Variants in C2CD5 observed in about 807,000 individuals in gnomAD.
C2CD5 encodes the protein C2 calcium dependent domain containing 5.
Under a neutral mutation model 130.3 loss-of-function variants are expected in C2CD5, and 109 were observed. That is an observed-to-expected ratio of 0.84 (90% CI 0.72 to 0.98). C2CD5 has a LOEUF of 0.98. C2CD5 is among the 50% of genes least tolerant of loss of function. The pLI, the probability that C2CD5 is intolerant of heterozygous loss-of-function variation, is 0.00. For synonymous variants in C2CD5, 454 were observed against 429.2 expected, an observed-to-expected ratio of 1.06 and a Z score of -0.71; for missense variants, 996 against 1,261.8, an observed-to-expected ratio of 0.79 and a Z score of 3.19.
At chr12:22,531,263 C>G (rs11834683) in intron 3 of C2CD5, among the ~76,000 whole-genome samples, 3,699 of 151,946 alleles carry the variant, frequency 0.024, 148 homozygotes, top group African/African-American at 0.084. Flanking sequence ...TTAGAAGCAG[C>G]TAAAAGAAAA....
chr12:22,517,826 T>G (rs1366115007), intron 8 of C2CD5, among the ~76,000 whole-genome samples, 160 bp downstream of exon 8: 3 of 152,200 alleles, frequency 2.0e-5, no homozygotes, highest in African/African-American at 4.8e-5. Flanking sequence ...TATACAAAAT[T>G]TTCATATTTT....
rs770670225 is a variant in C2CD5, at chr12:22,535,254, T to A, written c.177+4A>T. The stretch of plus-strand genomic sequence containing the variant: ...CTCAAAAATGCTGACATTTAAAAAC[T>A]TACCTCAAATTTAAACCACTCCGAG... On this transcript the variant is annotated splice_donor_region_variant and intron_variant, in intron 3 of 26. Transcript: ENST00000446597. 1.9e-6 allele frequency: 3 copies of A among 1,548,354 alleles called. No individual in the cohort carries two copies. In the East Asian group the frequency reaches 6.7e-5, roughly 35 times the overall value.
chr12:22,518,819 TA>T (rs1243957434), intron 7 of C2CD5, among the ~76,000 whole-genome samples: 2 of 152,218 alleles, frequency 1.3e-5, no homozygotes, highest in Non-Finnish European at 2.9e-5. Flanking sequence ...GAAATAATTA[TA>T]AAAATATATA....
At chr12:22,468,959 A>C (rs1048656345) in intron 22 of C2CD5, among the ~76,000 whole-genome samples, 1 of 152,208 alleles carries the variant, frequency 6.6e-6, no homozygotes, top group Non-Finnish European at 1.5e-5. Flanking sequence ...AATAACTATC[A>C]TTTCTCAAAA....
chr12:22,542,910 A>C (rs2137380237), intron 2 of C2CD5, among the ~76,000 whole-genome samples: 1 of 152,368 alleles, frequency 6.6e-6, no homozygotes, highest in South Asian at 2.1e-4. Context: ...CCTATTAGTT[A>C]TTAAATAGGC....
intron 3 of C2CD5, among the ~76,000 whole-genome samples, chr12:22,533,858 CTGAATTTCTACATGCA>C (rs1488791359): frequency 1.3e-5 from 2 of 152,200 alleles, no homozygotes; most frequent in African/African-American, 4.8e-5. Flanking sequence ...GCCCAAACAA[CTGAATTTCTACATGCA>C]TGAATTTCTA....
At chr12:22,489,982 T>C (rs1946130986) in intron 12 of C2CD5, 141 bp downstream of exon 12, 1 of 567,836 alleles carries the variant, frequency 1.8e-6, no homozygotes, top group Non-Finnish European at 3.2e-6. Flanking sequence ...TAGTTAAAAA[T>C]TAGTGAAGTG....
intron 10 of C2CD5, among the ~76,000 whole-genome samples, chr12:22,500,116 G>A (rs372247571): frequency 5.3e-5 from 8 of 152,032 alleles, no homozygotes; most frequent in African/African-American, 1.7e-4. Context: ...CCTGGGAGGC[G>A]GAGGTTGCAG....
intron 10 of C2CD5, among the ~76,000 whole-genome samples, chr12:22,503,512 A>G (rs1948072122): frequency 1.3e-5 from 2 of 152,046 alleles, no homozygotes; most frequent in Admixed American, 6.6e-5. Flanking sequence ...AGAATGTGAC[A>G]TTTTATTTTA....
chr12:22,481,649 C>CTTT (rs34990025), intron 14 of C2CD5, among the ~76,000 whole-genome samples: 83 of 116,410 alleles, frequency 7.1e-4, no homozygotes, highest in African/African-American at 1.1e-3. Flanking sequence ...AGAAACACAC[C>CTTT]TTTTTTTTTT....
At chr12:22,472,642 G>A in intron 17 of C2CD5, 102 bp downstream of exon 17, 1 of 793,748 alleles carries the variant, frequency 1.3e-6, no homozygotes, top group Non-Finnish European at 2.3e-6. Flanking sequence ...GTGACACTGT[G>A]ATAAGTCCTT....
chr12:22,488,359 G>A (rs1162063583), intron 12 of C2CD5, among the ~76,000 whole-genome samples: 2 of 151,764 alleles, frequency 1.3e-5, no homozygotes, highest in Non-Finnish European at 2.9e-5. Flanking sequence ...ATTTGATATA[G>A]GAACTCTCCA....
intron 22 of C2CD5, among the ~76,000 whole-genome samples, chr12:22,467,590 A>G (rs1942295516): frequency 6.6e-6 from 1 of 152,206 alleles, no homozygotes; most frequent in Admixed American, 6.5e-5. Context: ...GAATCTTTTC[A>G]CATTTTACAA....
At chr12:22,517,313 T>C (rs928160437) in intron 8 of C2CD5, among the ~76,000 whole-genome samples, 2 of 151,758 alleles carry the variant, frequency 1.3e-5, no homozygotes, top group Non-Finnish European at 2.9e-5. Flanking sequence ...AATTTAATGA[T>C]TTAAATAAGT....
intron 22 of C2CD5, 56 bp downstream of exon 22, chr12:22,469,653 A>G (rs1448319719): frequency 4.1e-6 from 4 of 982,284 alleles, no homozygotes; most frequent in Middle Eastern, 2.2e-4. Flanking sequence ...ATGAAGAAGC[A>G]GTGAAAGGAA....
intron 17 of C2CD5, 192 bp from the exon 18 acceptor site, chr12:22,472,539 T>TA: frequency 1.6e-6 from 1 of 621,040 alleles, no homozygotes; most frequent in Non-Finnish European, 2.9e-6. Flanking sequence ...TGTATAAATA[T>TA]AAAAGGACTA....
intron 2 of C2CD5, among the ~76,000 whole-genome samples, chr12:22,541,370 C>T (rs1051957145): frequency 2.0e-5 from 3 of 152,190 alleles, no homozygotes; most frequent in African/African-American, 7.2e-5. Flanking sequence ...ACTCTTTCCC[C>T]TTCAATCCAT....
At chr12:22,461,860 C>T (rs755732254) in intron 22 of C2CD5, among the ~76,000 whole-genome samples, 2 of 152,074 alleles carry the variant, frequency 1.3e-5, no homozygotes, top group Non-Finnish European at 2.9e-5. Flanking sequence ...TTAGGGAGAG[C>T]AGGTTCATCT....
intron 9 of C2CD5, among the ~76,000 whole-genome samples, chr12:22,507,370 T>C (rs1210830276): frequency 1.3e-5 from 2 of 152,152 alleles, no homozygotes; most frequent in Non-Finnish European, 2.9e-5. Flanking sequence ...TAGAGAATCA[T>C]TGTGTGAGGT....
Sources: allele counts gnomAD v4.1 joint callset (sites outside exome capture counted in the v4.1 genomes callset), GRCh38; gene constraint gnomAD v4.1.1; transcripts MANE v1.5; gene names NCBI Gene and HGNC (gene_info 2026-07-23, HGNC 2026-07-21).